GRM5: variants seen among roughly 807,000 people sequenced by gnomAD.
GRM5 encodes the protein metabotropic glutamate receptor 5.
GRM5 carries 19 observed loss-of-function variants against 83.1 expected under a neutral mutation model. The observed-to-expected ratio is 0.23, with a 90% CI of 0.16 to 0.34. The LOEUF (loss-of-function observed/expected upper bound fraction) is 0.34. Among genes scored for constraint, GRM5 ranks in the 10% least tolerant of loss-of-function variants. The probability of loss-of-function intolerance (pLI) is 1.00; values close to 1 mark genes in which losing one functional copy is unlikely to be tolerated. For missense variants in GRM5, 1,160 were observed against 1,588.3 expected, an observed-to-expected ratio of 0.73 and a Z score of 4.58; for synonymous variants, 675 against 633.6, an observed-to-expected ratio of 1.07 and a Z score of -0.98.
intron 6 of GRM5, among the ~76,000 whole-genome samples, chr11:88,594,478 C>T (rs745755097): frequency 9.2e-5 from 14 of 152,074 alleles, no homozygotes; most frequent in Admixed American, 2.0e-4. Flanking sequence ...AACAAATGAG[C>T]GTGGCTGTAT....
chr11:88,875,835 T>C (rs1010286733), intron 2 of GRM5, among the ~76,000 whole-genome samples: 2 of 152,074 alleles, frequency 1.3e-5, no homozygotes, highest in Non-Finnish European at 2.9e-5. Context: ...AGTTCTTAAC[T>C]GTGGGCTTAA....
intron 2 of GRM5, among the ~76,000 whole-genome samples, chr11:88,915,570 CATT>C (rs5793359): frequency 0.38 from 58,041 of 151,684 alleles, 13,406 homozygotes; most frequent in South Asian, 0.6. Context: ...TATATTCTCT[CATT>C]ATCTAATCAA....
chr11:88,544,251 A>G (rs1226985850), intron 8 of GRM5, among the ~76,000 whole-genome samples: 1 of 152,186 alleles, frequency 6.6e-6, no homozygotes, highest in African/African-American at 2.4e-5. Flanking sequence ...AACACAAAAC[A>G]GACTAGGAAA....
chr11:88,989,199 G>C (rs2135042820), intron 2 of GRM5, among the ~76,000 whole-genome samples: 1 of 146,238 alleles, frequency 6.8e-6, no homozygotes, highest in East Asian at 2.0e-4. Flanking sequence ...AAAAAAGGCA[G>C]GGGTTGCAAT....
At chr11:89,025,564 C>G (rs1221577139) in intron 2 of GRM5, among the ~76,000 whole-genome samples, 1 of 152,102 alleles carries the variant, frequency 6.6e-6, no homozygotes, top group Non-Finnish European at 1.5e-5. Flanking sequence ...CATGATATAT[C>G]ATTATTGTTT....
chr11:88,910,794 A>AT (rs1423563052), intron 2 of GRM5, among the ~76,000 whole-genome samples: 1 of 152,058 alleles, frequency 6.6e-6, no homozygotes, highest in Non-Finnish European at 1.5e-5. Context: ...TCACGTCAAT[A>AT]TATAGCCATA....
intron 1 of GRM5, among the ~76,000 whole-genome samples, chr11:89,055,394 T>C (rs1376203145): frequency 1.3e-5 from 2 of 152,234 alleles, no homozygotes; most frequent in African/African-American, 2.4e-5. Context: ...ATCCCTCACC[T>C]GGCAGTGTTT....
chr11:88,998,559 T>C (rs1176863718), intron 2 of GRM5, among the ~76,000 whole-genome samples: 1 of 152,072 alleles, frequency 6.6e-6, no homozygotes, highest in Non-Finnish European at 1.5e-5. Flanking sequence ...TTATTCAAAA[T>C]AGCACTAGAT....
intron 6 of GRM5, among the ~76,000 whole-genome samples, chr11:88,592,874 C>T (rs1049833790): frequency 1.3e-5 from 2 of 152,070 alleles, no homozygotes; most frequent in Non-Finnish European, 2.9e-5. Flanking sequence ...AGTGCAGTGG[C>T]GCCATCTTGG....
intron 2 of GRM5, among the ~76,000 whole-genome samples, chr11:88,862,500 A>G (rs982475755): frequency 6.6e-6 from 1 of 152,148 alleles, no homozygotes; most frequent in Non-Finnish European, 1.5e-5. Flanking sequence ...AATAGAATAA[A>G]TGTCAATAGA....
intron 2 of GRM5, among the ~76,000 whole-genome samples, chr11:88,864,334 A>G (rs2135554229): frequency 6.6e-6 from 1 of 151,900 alleles, no homozygotes; most frequent in East Asian, 1.9e-4. Context: ...AGGTTAAGAG[A>G]GTACAGTGGC....
chr11:88,662,483 G>T (rs1051499887), intron 3 of GRM5, among the ~76,000 whole-genome samples: 1 of 151,892 alleles, frequency 6.6e-6, no homozygotes, highest in East Asian at 1.9e-4. Flanking sequence ...TGATCTTTGG[G>T]GTATACACAC....
chr11:88,880,230 A>T lies in GRM5; in HGVS notation c.662-30075T>A, dbSNP rs557388696. Reference sequence around the variant, plus strand: ...AAAAGGAGCATGAAATAAAGGAAAAAGAAGGTCTTAACAGAAACAAAAATG... The same window carrying T: ...AAAAGGAGCATGAAATAAAGGAAAATGAAGGTCTTAACAGAAACAAAAATG... On this transcript the variant is annotated intron_variant, in intron 2 of 9. Coordinates refer to ENST00000305447, the MANE Select transcript of GRM5 (RefSeq NM_001143831.3). Among the ~76,000 whole-genome samples, 6 of 152,272 alleles carry T rather than the reference A, an allele frequency of 3.9e-5. No homozygotes were observed. The South Asian group carries it at 1.2e-3, about 32-fold the overall frequency.
At chr11:88,593,044 T>A (rs1314080777) in intron 6 of GRM5, among the ~76,000 whole-genome samples, 1 of 152,148 alleles carries the variant, frequency 6.6e-6, no homozygotes, top group African/African-American at 2.4e-5. Context: ...GATCTTGAAC[T>A]CCTGAGCTCA....
At chr11:88,630,599 A>T (rs1482179154) in intron 4 of GRM5, among the ~76,000 whole-genome samples, 1 of 148,222 alleles carries the variant, frequency 6.7e-6, no homozygotes, top group African/African-American at 2.5e-5. Flanking sequence ...ACATATTATG[A>T]TGGAGTTTCA....
chr11:88,822,238 G>C (rs909776168), intron 3 of GRM5, among the ~76,000 whole-genome samples: 1 of 152,070 alleles, frequency 6.6e-6, no homozygotes, highest in Non-Finnish European at 1.5e-5. Flanking sequence ...ACAGGATGAC[G>C]CATACTTTGA....
At chr11:89,034,541 T>A (rs573859330) in intron 2 of GRM5, among the ~76,000 whole-genome samples, 1 of 151,880 alleles carries the variant, frequency 6.6e-6, no homozygotes, top group Non-Finnish European at 1.5e-5. Context: ...AGAAAACTCA[T>A]GTGCTAGCAA....
chr11:88,818,348 C>G (rs998703172), intron 3 of GRM5, among the ~76,000 whole-genome samples: 3 of 152,030 alleles, frequency 2.0e-5, no homozygotes, highest in Admixed American at 2.0e-4. Flanking sequence ...TGCCTCCATT[C>G]TGTACAAAAG....
chr11:88,773,210 G>A (rs980605728), intron 3 of GRM5, among the ~76,000 whole-genome samples: 1 of 152,174 alleles, frequency 6.6e-6, no homozygotes, highest in African/African-American at 2.4e-5. Flanking sequence ...GTGATGATGA[G>A]CATTTTTTCA....
Sources: gnomAD v4.1 joint callset for allele counts (sites outside exome capture counted in the v4.1 genomes callset) on GRCh38, gnomAD v4.1.1 for gene constraint, MANE v1.5 for transcripts, NCBI Gene and HGNC (gene_info 2026-07-23, HGNC 2026-07-21) for gene names.